The following BABAM2 variants were observed in gnomAD, a reference collection of about 807,000 sequenced individuals.
BABAM2 encodes BRISC and BRCA1-A complex member 2.
BABAM2 carries 31 observed loss-of-function variants against 54.7 expected under a neutral mutation model. The ratio of observed to expected loss-of-function variants is 0.57; its 90% confidence interval spans 0.43 to 0.77. The LOEUF is 0.77. Ranked by LOEUF, BABAM2 falls within the 30% of genes least tolerant of loss-of-function variation. The pLI is 0.00. For missense variants in BABAM2, 364 were observed against 455.8 expected, an observed-to-expected ratio of 0.80 and a Z score of 1.83; for synonymous variants, 167 against 162.9, an observed-to-expected ratio of 1.03 and a Z score of -0.19.
intron 3 of BABAM2, among the ~76,000 whole-genome samples, chr2:27,967,155 T>C (rs1332176898): frequency 1.3e-5 from 2 of 152,174 alleles, no homozygotes; most frequent in Non-Finnish European, 1.5e-5. Flanking sequence ...TGAGTACATA[T>C]ACTTCACTGG....
chr2:27,929,991 C>G, intron 3 of BABAM2, 83 bp downstream of exon 3: 3 of 1,289,038 alleles, frequency 2.3e-6, no homozygotes, highest in Non-Finnish European at 3.3e-6. Flanking sequence ...TCATTTCCGG[C>G]TGTTAGTTGT....
intron 7 of BABAM2, among the ~76,000 whole-genome samples, chr2:28,145,628 G>T (rs1671428548): frequency 6.6e-6 from 1 of 152,084 alleles, no homozygotes; most frequent in Non-Finnish European, 1.5e-5. Flanking sequence ...CAGTTCAGTG[G>T]TTTTCAGTAT....
intron 8 of BABAM2, 138 bp from the exon 9 acceptor site, chr2:28,241,185 C>G: frequency 1.3e-6 from 1 of 758,146 alleles, no homozygotes; most frequent in Non-Finnish European, 2.2e-6. Context: ...ACAATAGTCA[C>G]AGTTGTTGAA....
chr2:28,262,621 T>C (rs1320262095), intron 10 of BABAM2, among the ~76,000 whole-genome samples: 2 of 152,172 alleles, frequency 1.3e-5, no homozygotes, highest in African/African-American at 2.4e-5. Flanking sequence ...GCCATCATCT[T>C]AGGCAAGGTT....
chr2:28,067,357 CTACT>C (rs1251307037), intron 6 of BABAM2, among the ~76,000 whole-genome samples: 1 of 152,250 alleles, frequency 6.6e-6, no homozygotes, highest in Non-Finnish European at 1.5e-5. Flanking sequence ...CCTGTCCCTT[CTACT>C]TACTTACATC....
chr2:28,182,419 TCA>T (rs1675746708), intron 7 of BABAM2, among the ~76,000 whole-genome samples: 1 of 152,138 alleles, frequency 6.6e-6, no homozygotes, highest in African/African-American at 2.4e-5. Flanking sequence ...CTGAAACATA[TCA>T]CACACACAAT....
intron 4 of BABAM2, among the ~76,000 whole-genome samples, chr2:27,993,738 A>T (rs1034500556): frequency 2.0e-5 from 3 of 152,100 alleles, no homozygotes; most frequent in African/African-American, 7.2e-5. Flanking sequence ...AGTGAACCTA[A>T]TGCTACTGCA....
chr2:28,236,621 C>A (rs752754360), intron 7 of BABAM2, among the ~76,000 whole-genome samples: 1 of 152,168 alleles, frequency 6.6e-6, no homozygotes, highest in Non-Finnish European at 1.5e-5. Context: ...CTGCCTTGGC[C>A]TCCCAAAGTG....
intron 7 of BABAM2, among the ~76,000 whole-genome samples, chr2:28,223,621 G>A (rs1441794420): frequency 6.6e-6 from 1 of 152,186 alleles, no homozygotes; most frequent in Non-Finnish European, 1.5e-5. Flanking sequence ...AGATCAATGG[G>A]CAACTGGAAT....
At chr2:28,205,191 C>T (rs1678710872) in intron 7 of BABAM2, among the ~76,000 whole-genome samples, 1 of 151,936 alleles carries the variant, frequency 6.6e-6, no homozygotes, top group African/African-American at 2.4e-5. Context: ...TTTGCCTAAC[C>T]TAGCCTAACT....
At position 28,304,770 on chromosome 2, in the gene BABAM2, C is replaced by T. The variant is rs765156713; in HGVS notation, c.1088+6279C>T. 2.6e-4 allele frequency among the ~76,000 whole-genome samples: 39 copies of T among 152,004 alleles called. No homozygotes were observed. The highest frequency in any genetic ancestry group is 4.2e-4 in the South Asian group (2 of 4,816). On this transcript the variant is annotated intron_variant, in intron 11 of 11. Coordinates refer to ENST00000379624, the MANE Select transcript of BABAM2 (RefSeq NM_199191.3). This position sits in a 1 kb window ranked among gnomAD's most constrained non-coding sequence, Gnocchi z 4.0. ...TTTTGTATTTTTTTTTTAGTAGAGA[C>T]GGAGTTTTACCATGTTGCCCAGGCT...
intron 2 of BABAM2, among the ~76,000 whole-genome samples, chr2:27,922,727 C>T (rs1201512442): frequency 6.6e-6 from 1 of 152,054 alleles, no homozygotes; most frequent in Non-Finnish European, 1.5e-5. Context: ...TGCTATATTC[C>T]TAGCACTTAG....
intron 6 of BABAM2, among the ~76,000 whole-genome samples, chr2:28,072,170 G>A (rs982364600): frequency 6.6e-6 from 1 of 151,224 alleles, no homozygotes; most frequent in African/African-American, 2.4e-5. Context: ...ACAGATGTGA[G>A]CCTGGATTCT....
At chr2:28,185,255 G>C (rs533738061) in intron 7 of BABAM2, among the ~76,000 whole-genome samples, 6 of 152,206 alleles carry the variant, frequency 3.9e-5, no homozygotes, top group African/African-American at 1.4e-4. Flanking sequence ...AAATTCATCT[G>C]CCTTCAGACA....
At chr2:27,972,807 G>A (rs1280027570) in intron 3 of BABAM2, among the ~76,000 whole-genome samples, 2 of 137,206 alleles carry the variant, frequency 1.5e-5, no homozygotes, top group Non-Finnish European at 3.0e-5. Context: ...TTGTGCTGTC[G>A]CCAGGCTGGA....
intron 3 of BABAM2, among the ~76,000 whole-genome samples, chr2:27,980,830 G>A (rs1020720597): frequency 6.6e-6 from 1 of 151,822 alleles, no homozygotes; most frequent in Non-Finnish European, 1.5e-5. Context: ...TCTAGTGTTT[G>A]GCAGCACAAT....
At chr2:28,187,848 A>G (rs1676485150) in intron 7 of BABAM2, among the ~76,000 whole-genome samples, 1 of 151,770 alleles carries the variant, frequency 6.6e-6, no homozygotes, top group African/African-American at 2.4e-5. Context: ...TTTTGTTTTT[A>G]GTAGAGACTG....
chr2:28,303,193 C>A (rs1317803998), intron 11 of BABAM2, among the ~76,000 whole-genome samples: 1 of 152,032 alleles, frequency 6.6e-6, no homozygotes, highest in Non-Finnish European at 1.5e-5. Flanking sequence ...TTTTGATGAG[C>A]AGAAAATCTT....
At chr2:27,894,727 C>T in intron 2 of BABAM2, 43 bp downstream of exon 2, 2 of 1,608,262 alleles carry the variant, frequency 1.2e-6, no homozygotes, top group Non-Finnish European at 1.7e-6. Context: ...AGAACCAATT[C>T]AACCTTTACC....
Sources: allele counts gnomAD v4.1 joint callset (sites outside exome capture counted in the v4.1 genomes callset), GRCh38; gene constraint gnomAD v4.1.1; non-coding constraint Gnocchi (gnomAD v3.1); transcripts MANE v1.5; gene names NCBI Gene and HGNC (gene_info 2026-07-23, HGNC 2026-07-21).